The following RBFOX1 variants were observed in gnomAD, a reference collection of about 807,000 sequenced individuals.
The protein encoded by RBFOX1 is RNA binding protein fox-1 homolog 1.
RBFOX1 carries 8 observed loss-of-function variants against 57.7 expected under a neutral mutation model. The observed-to-expected ratio is 0.14, with a 90% confidence interval of 0.08 to 0.25. The LOEUF (loss-of-function observed/expected upper bound fraction) is 0.25, where lower values mean the gene tolerates loss of function less well. RBFOX1 is among the 10% of genes least tolerant of loss of function. RBFOX1 has a pLI of 1.00. For missense variants in RBFOX1, 611 were observed against 548.5 expected (o/e 1.11, Z -1.14); for synonymous variants, 326 against 222.4 (o/e 1.47, Z -4.15).
At chr16:6,184,209 G>T (rs1189384449) in intron 1 of RBFOX1, among the ~76,000 whole-genome samples, 1 of 152,130 alleles carries the variant, frequency 6.6e-6, no homozygotes, top group Non-Finnish European at 1.5e-5. Flanking sequence ...ATAACATATG[G>T]GAATTATGGG....
chr16:7,690,144 T>C (rs996663228), intron 14 of RBFOX1, among the ~76,000 whole-genome samples: 1 of 152,070 alleles, frequency 6.6e-6, no homozygotes, highest in African/African-American at 2.4e-5. Context: ...GAGTCACCTA[T>C]AGAGCATTTT....
At position 5,827,562 on chromosome 16, in the gene RBFOX1, T is replaced by G. The variant is rs145051786; in HGVS notation, c.319-39741T>G. On this transcript the variant is annotated intron_variant, in intron 3 of 19. Coordinates refer to the RBFOX1 transcript ENST00000641259. Reference sequence around the variant, plus strand: ...TCTGACAAGGGCCAGGTAGTAACTGTTTTAGGCTTTCTGATCATACTGCTT... The same window carrying G: ...TCTGACAAGGGCCAGGTAGTAACTGGTTTAGGCTTTCTGATCATACTGCTT... Among the ~76,000 whole-genome samples the G allele has an allele frequency of 1.6e-4, 24 of 152,062 alleles. No homozygotes were observed. In the East Asian group the frequency reaches 4.3e-3, roughly 27 times the overall value.
intron 4 of RBFOX1, among the ~76,000 whole-genome samples, chr16:7,069,773 C>A (rs1172663182): frequency 6.6e-6 from 1 of 152,076 alleles, no homozygotes; most frequent in Non-Finnish European, 1.5e-5. Flanking sequence ...CCCCAGTTGC[C>A]CATAGTGGGC....
At chr16:6,493,057 T>G (rs1348777528) in intron 2 of RBFOX1, among the ~76,000 whole-genome samples, 1 of 152,206 alleles carries the variant, frequency 6.6e-6, no homozygotes, top group Non-Finnish European at 1.5e-5. Context: ...CCTATTTGGA[T>G]AATTAAAAAA....
chr16:6,904,844 G>A (rs1412914448), intron 3 of RBFOX1, among the ~76,000 whole-genome samples: 1 of 152,014 alleles, frequency 6.6e-6, no homozygotes, highest in Non-Finnish European at 1.5e-5. Flanking sequence ...GAGAAGAATT[G>A]TTTTGTTCTG....
At chr16:6,258,144 A>G (rs1368479837) in intron 1 of RBFOX1, among the ~76,000 whole-genome samples, 1 of 152,084 alleles carries the variant, frequency 6.6e-6, no homozygotes, top group Non-Finnish European at 1.5e-5. Context: ...TTTATTTTTA[A>G]AACTCCTTAC....
At position 7,463,685 on chromosome 16, in the gene RBFOX1, A is replaced by G. The variant is rs757728327; in HGVS notation, c.28-54462A>G. Among the ~76,000 whole-genome samples the G allele has an allele frequency of 1.4e-4, 22 of 152,182 alleles. 1 individual carries two copies. Among genetic ancestry groups the G allele is most frequent in the Admixed American group, 3.3e-4 (5 of 15,286 alleles). On this transcript the variant is annotated intron_variant, in intron 4 of 15. Coordinates refer to ENST00000550418, the MANE Select transcript of RBFOX1 (RefSeq NM_018723.4). ...AGTCACCTTTGCCATGTAAGGTAAC[A>G]TATTTATAGATTCCAGAGATTAGGG...
intron 3 of RBFOX1, among the ~76,000 whole-genome samples, chr16:6,741,014 A>G (rs2071910851): frequency 6.6e-6 from 1 of 152,170 alleles, no homozygotes; most frequent in East Asian, 1.9e-4. Context: ...ATTTGCTTAG[A>G]TGTAGACACC....
chr16:6,974,541 C>T (rs1005275041), intron 3 of RBFOX1, among the ~76,000 whole-genome samples: 5 of 151,800 alleles, frequency 3.3e-5, no homozygotes, highest in Non-Finnish European at 7.4e-5. Flanking sequence ...GATGAGGTTT[C>T]ATCATATTGG....
At chr16:7,043,443 G>C (rs1469147980) in intron 3 of RBFOX1, among the ~76,000 whole-genome samples, 2 of 152,136 alleles carry the variant, frequency 1.3e-5, no homozygotes, top group Non-Finnish European at 2.9e-5. Context: ...TCATAGTCCT[G>C]AAATGCATCA....
intron 3 of RBFOX1, among the ~76,000 whole-genome samples, chr16:6,816,514 G>C (rs565110940): frequency 1.3e-5 from 2 of 151,310 alleles, no homozygotes; most frequent in South Asian, 4.2e-4. Flanking sequence ...AGCCAAGGCG[G>C]ACAGATCACA....
At chr16:6,449,318 G>A (rs925313004) in intron 2 of RBFOX1, among the ~76,000 whole-genome samples, 1 of 152,186 alleles carries the variant, frequency 6.6e-6, no homozygotes, top group African/African-American at 2.4e-5. Flanking sequence ...ACTGCCTTCT[G>A]TGGGGCATCC....
intron 2 of RBFOX1, chr16:6,484,044 C>T (rs2095421467): frequency 3.4e-6 from 2 of 596,762 alleles, no homozygotes; most frequent in South Asian, 7.3e-5. Flanking sequence ...TTGGGGAGCC[C>T]GGAGATGCAT....
intron 4 of RBFOX1, among the ~76,000 whole-genome samples, chr16:7,265,244 G>T (rs567931722): frequency 6.6e-6 from 1 of 152,060 alleles, no homozygotes; most frequent in Admixed American, 6.5e-5. Context: ...CTGGATACTG[G>T]AAGTGAGATC....
At chr16:7,616,751 T>G (rs1358414220) in intron 10 of RBFOX1, among the ~76,000 whole-genome samples, 2 of 152,214 alleles carry the variant, frequency 1.3e-5, no homozygotes, top group South Asian at 2.1e-4. Flanking sequence ...AGGCTGGTCT[T>G]GAACTCCTGA....
intron 2 of RBFOX1, among the ~76,000 whole-genome samples, chr16:6,440,968 C>T (rs1037988867): frequency 1.3e-5 from 2 of 152,022 alleles, no homozygotes; most frequent in African/African-American, 2.4e-5. Context: ...TAGGCTGCGT[C>T]TGTGGAGTGT....
intron 3 of RBFOX1, among the ~76,000 whole-genome samples, chr16:6,934,697 C>G (rs1052036605): frequency 2.3e-5 from 3 of 131,514 alleles, no homozygotes; most frequent in Admixed American, 7.0e-5. Context: ...AATATGATCT[C>G]GAGATTTTTT....
At chr16:5,315,908 C>G (rs1044592825) in intron 1 of RBFOX1, among the ~76,000 whole-genome samples, 2 of 152,240 alleles carry the variant, frequency 1.3e-5, no homozygotes, top group African/African-American at 4.8e-5. Flanking sequence ...TCTCATAGGC[C>G]TGTCTTTGGA....
chr16:7,368,358 A>G (rs1021484686), intron 4 of RBFOX1, among the ~76,000 whole-genome samples: 2 of 151,944 alleles, frequency 1.3e-5, no homozygotes, highest in African/African-American at 4.8e-5. Context: ...TTCCCTGTTT[A>G]TCTTCAAAAG....
Sources: allele counts gnomAD v4.1 joint callset (sites outside exome capture counted in the v4.1 genomes callset), GRCh38; gene constraint gnomAD v4.1.1; transcripts MANE v1.5; gene names NCBI Gene and HGNC (gene_info 2026-07-23, HGNC 2026-07-21).